RGS9: variants seen among roughly 807,000 people sequenced by gnomAD.
RGS9 encodes regulator of G-protein signalling 9.
A neutral mutation model predicts 102.0 loss-of-function variants in RGS9; 78 were observed. The ratio of observed to expected loss-of-function variants is 0.76; its 90% CI spans 0.64 to 0.92. The LOEUF (loss-of-function observed/expected upper bound fraction) is 0.92. Ranked by LOEUF, RGS9 falls within the 40% of genes least tolerant of loss-of-function variation. The pLI, the probability that RGS9 is intolerant of heterozygous loss-of-function variation, is 0.00. For synonymous variants in RGS9, 353 were observed against 318.6 expected, an observed-to-expected ratio of 1.11 and a Z score of -1.15; for missense variants, 833 against 866.1, an observed-to-expected ratio of 0.96 and a Z score of 0.48.
chr17:65,161,266 T>C (rs1251097144), intron 6 of RGS9, among the ~76,000 whole-genome samples: 1 of 152,212 alleles, frequency 6.6e-6, no homozygotes, highest in East Asian at 1.9e-4. Context: ...TTTTTTGTTT[T>C]TTTGAGACAA....
intron 1 of RGS9, among the ~76,000 whole-genome samples, chr17:65,144,397 C>A (rs1910275258): frequency 6.6e-6 from 1 of 152,170 alleles, no homozygotes; most frequent in African/African-American, 2.4e-5. Flanking sequence ...ATTTCTGATC[C>A]CTCTGTGATG....
rs1244447601 is a variant in RGS9 at position 65,227,296 on chromosome 17, T to C, written c.1914T>C (p.Asp638=). The C allele has an allele frequency of 3.1e-6, 5 of 1,614,020 alleles. No homozygotes were observed. In the African/African-American group the frequency reaches 5.3e-5, roughly 17 times the overall value. ...GAAGCTTTTTCCAGATCAAAATGGA[T>C]GTGCCCACGGGGAGCGGGACCTGCT... ...RVANFFQIKM[D]VPTGSGTCLM... is the part of the protein sequence containing the mutation. Residue 638 remains aspartate, a synonymous_variant, in exon 19 of 19, where the codon GAT becomes GAC. Coordinates refer to ENST00000262406, the MANE Select transcript of RGS9 (RefSeq NM_003835.4).
At chr17:65,184,172 A>G (rs1201274078) in intron 9 of RGS9, among the ~76,000 whole-genome samples, 1 of 152,186 alleles carries the variant, frequency 6.6e-6, no homozygotes, top group Non-Finnish European at 1.5e-5. Context: ...TTTTCTTTGA[A>G]TTGCTTAGAA....
intron 14 of RGS9, among the ~76,000 whole-genome samples, chr17:65,202,444 TGAGAGAGAGA>T (rs1555616144): frequency 7.6e-6 from 1 of 131,708 alleles, no homozygotes; most frequent in Non-Finnish European, 1.6e-5. Flanking sequence ...TGTGTGTGTG[TGAGAGAGAGA>T]GAGAGAGAGA....
At chr17:65,159,187 C>A (rs371723164) in intron 3 of RGS9, among the ~76,000 whole-genome samples, 7 of 150,748 alleles carry the variant, frequency 4.6e-5, no homozygotes, top group East Asian at 4.0e-4. Flanking sequence ...AACAACCCCC[C>A]CTTTTTCCTT....
At chr17:65,140,673 G>T (rs147331321) in intron 1 of RGS9, among the ~76,000 whole-genome samples, 2,837 of 152,278 alleles carry the variant, frequency 0.019, 90 homozygotes, top group African/African-American at 0.065. Flanking sequence ...TCAGGAGTTT[G>T]AGACCAGCCT....
chr17:65,193,106 CAA>C (rs372675773), intron 11 of RGS9, among the ~76,000 whole-genome samples: 5 of 131,126 alleles, frequency 3.8e-5, no homozygotes, highest in Non-Finnish European at 5.0e-5. Context: ...ACCAAAAATA[CAA>C]AAAAAAAAAA....
At chr17:65,142,552 C>T (rs1306460812) in intron 1 of RGS9, among the ~76,000 whole-genome samples, 10 of 151,560 alleles carry the variant, frequency 6.6e-5, no homozygotes, top group African/African-American at 2.4e-4. Flanking sequence ...CTTTTTATGC[C>T]ACTGTTTTTC....
intron 17 of RGS9, among the ~76,000 whole-genome samples, chr17:65,219,925 CATT>C (rs1421181969): frequency 3.3e-5 from 5 of 151,934 alleles, no homozygotes; most frequent in African/African-American, 4.8e-5. Context: ...ACCACCATAT[CATT>C]ATTATTATCA....
At chr17:65,192,678 T>C (rs1464076937) in intron 11 of RGS9, among the ~76,000 whole-genome samples, 1 of 151,946 alleles carries the variant, frequency 6.6e-6, no homozygotes, top group African/African-American at 2.4e-5. Flanking sequence ...AGGATGACTG[T>C]AGTTAATAAT....
chr17:65,147,941 T>A (rs1910434296), intron 1 of RGS9, among the ~76,000 whole-genome samples: 1 of 152,150 alleles, frequency 6.6e-6, no homozygotes, highest in Admixed American at 6.5e-5. Flanking sequence ...TCACACGAGA[T>A]CTACCCTTTC....
At chr17:65,187,886 CT>C (rs1912188817) in intron 9 of RGS9, among the ~76,000 whole-genome samples, 1 of 152,180 alleles carries the variant, frequency 6.6e-6, no homozygotes, top group South Asian at 2.1e-4. Context: ...GTCCCAGCTA[CT>C]TGGGAGACTG....
At chr17:65,182,070 C>T (rs994942496) in intron 9 of RGS9, among the ~76,000 whole-genome samples, 1 of 152,202 alleles carries the variant, frequency 6.6e-6, no homozygotes, top group African/African-American at 2.4e-5. Context: ...CAATTTCAAC[C>T]TCTCTGCCTA....
At chr17:65,144,352 G>A (rs568742375) in intron 1 of RGS9, among the ~76,000 whole-genome samples, 5 of 152,254 alleles carry the variant, frequency 3.3e-5, no homozygotes, top group African/African-American at 9.6e-5. Flanking sequence ...CAGCGTGGGC[G>A]TGGTGGGTGG....
At chr17:65,193,209 T>A (rs1443507808) in intron 11 of RGS9, among the ~76,000 whole-genome samples, 8 of 144,016 alleles carry the variant, frequency 5.6e-5, no homozygotes, top group Admixed American at 3.6e-4. Flanking sequence ...AGGCGGAGGC[T>A]GCAGTGAGCC....
chr17:65,185,106 T>C (rs1357267448), intron 9 of RGS9, among the ~76,000 whole-genome samples: 1 of 152,208 alleles, frequency 6.6e-6, no homozygotes, highest in Non-Finnish European at 1.5e-5. Flanking sequence ...AGTTCAGGAC[T>C]CTTTTCTCTC....
intron 9 of RGS9, among the ~76,000 whole-genome samples, chr17:65,183,100 CTATCTAT>C (rs1911958001): frequency 6.6e-6 from 1 of 151,424 alleles, no homozygotes; most frequent in Non-Finnish European, 1.5e-5. Flanking sequence ...ATCTATCTAT[CTATCTAT>C]CTACCTACCT....
At chr17:65,204,764 G>A (rs925570737) in intron 15 of RGS9, among the ~76,000 whole-genome samples, 17 of 152,156 alleles carry the variant, frequency 1.1e-4, no homozygotes, top group East Asian at 5.8e-4. Flanking sequence ...GCCATCATTC[G>A]TTGAGGGCTT....
At chr17:65,142,824 C>A (rs1006603715) in intron 1 of RGS9, among the ~76,000 whole-genome samples, 2 of 152,102 alleles carry the variant, frequency 1.3e-5, no homozygotes, top group African/African-American at 4.8e-5. Context: ...CTCAGGTGCC[C>A]CACCTGCCCT....
Sources: gnomAD v4.1 joint callset for allele counts (sites outside exome capture counted in the v4.1 genomes callset) on GRCh38, gnomAD v4.1.1 for gene constraint, MANE v1.5 for transcripts, NCBI Gene and HGNC (gene_info 2026-07-23, HGNC 2026-07-21) for gene names.